The following CSMD1 variants were observed in gnomAD, a reference collection of about 807,000 sequenced individuals.
CSMD1 encodes CUB and sushi domain-containing protein 1.
CSMD1 carries 213 observed loss-of-function variants against 417.5 expected under a neutral mutation model. The observed-to-expected ratio is 0.51, with a 90% CI of 0.46 to 0.57. The LOEUF (loss-of-function observed/expected upper bound fraction) is 0.57. Among genes scored for constraint, CSMD1 ranks in the 20% least tolerant of loss-of-function variants. CSMD1 has a pLI of 0.00. For missense variants in CSMD1, 6,923 were observed against 4,529.7 expected (o/e 1.53, Z -15.17); for synonymous variants, 2,862 against 1,736.8 (o/e 1.65, Z -16.11).
intron 3 of CSMD1, among the ~76,000 whole-genome samples, chr8:4,132,963 T>C (rs1803200561): frequency 6.6e-6 from 1 of 152,198 alleles, no homozygotes. Flanking sequence ...AGATGGAGTC[T>C]CGCTCTGTTA....
intron 1 of CSMD1, among the ~76,000 whole-genome samples, chr8:4,644,451 G>T (rs1012111819): frequency 6.6e-6 from 1 of 152,110 alleles, no homozygotes; most frequent in Admixed American, 6.5e-5. Context: ...TCTGTCACCA[G>T]GCTAGAGTGC....
chr8:3,060,572 G>C (rs1030629917), intron 49 of CSMD1, among the ~76,000 whole-genome samples: 1 of 152,144 alleles, frequency 6.6e-6, no homozygotes, highest in Non-Finnish European at 1.5e-5. Context: ...CATGATTGTT[G>C]TAAGTTGGTT....
intron 5 of CSMD1, among the ~76,000 whole-genome samples, chr8:3,892,624 C>T (rs181811731): frequency 1.9e-4 from 29 of 151,834 alleles, no homozygotes; most frequent in East Asian, 9.7e-4. Flanking sequence ...CTCTGGTGCA[C>T]GTCAGTACTG....
chr8:3,521,172 G>C (rs559390571), intron 10 of CSMD1, among the ~76,000 whole-genome samples: 1 of 152,206 alleles, frequency 6.6e-6, no homozygotes, highest in Non-Finnish European at 1.5e-5. Context: ...TATTAAAACA[G>C]GTTAACTCTA....
chr8:3,386,996 G>C (rs1212521552), intron 18 of CSMD1, among the ~76,000 whole-genome samples: 15 of 152,148 alleles, frequency 9.9e-5, no homozygotes, highest in Admixed American at 8.5e-4. Flanking sequence ...AACAGGAGTG[G>C]CTGTTATCAC....
chr8:3,723,920 C>A (rs1378708862), intron 6 of CSMD1, among the ~76,000 whole-genome samples: 1 of 152,094 alleles, frequency 6.6e-6, no homozygotes, highest in Admixed American at 6.6e-5. Context: ...GATGCAGATT[C>A]CATTTTGTAG....
At chr8:4,884,525 G>A (rs906327576) in intron 1 of CSMD1, among the ~76,000 whole-genome samples, 4 of 151,898 alleles carry the variant, frequency 2.6e-5, no homozygotes, top group Admixed American at 2.0e-4. Context: ...CTTTCATTTA[G>A]GTCCTTTTTG....
intron 2 of CSMD1, among the ~76,000 whole-genome samples, chr8:4,513,117 G>A (rs948829570): frequency 5.9e-5 from 9 of 152,174 alleles, no homozygotes; most frequent in African/African-American, 1.4e-4. Context: ...ATTGACAACA[G>A]CAAGAGTGCG....
At chr8:3,758,897 G>A (rs939611182) in intron 5 of CSMD1, among the ~76,000 whole-genome samples, 1 of 152,178 alleles carries the variant, frequency 6.6e-6, no homozygotes, top group African/African-American at 2.4e-5. Context: ...GTGGAAGACA[G>A]AGGCAGGAGG....
At chr8:4,019,527 G>C (rs925300586) in intron 4 of CSMD1, among the ~76,000 whole-genome samples, 23 of 152,296 alleles carry the variant, frequency 1.5e-4, no homozygotes, top group Non-Finnish European at 3.1e-4. Flanking sequence ...GGTTACCCAA[G>C]AGACATTCCC....
intron 3 of CSMD1, among the ~76,000 whole-genome samples, chr8:4,058,145 A>T (rs1433448034): frequency 6.6e-6 from 1 of 152,044 alleles, no homozygotes; most frequent in Non-Finnish European, 1.5e-5. Flanking sequence ...TTTTCACGAT[A>T]TTGACTCTTC....
At chr8:4,185,031 T>C (rs1325219551) in intron 3 of CSMD1, among the ~76,000 whole-genome samples, 1 of 147,892 alleles carries the variant, frequency 6.8e-6, no homozygotes, top group Non-Finnish European at 1.5e-5. Context: ...CCCAGCTACT[T>C]GGGAGGCTGA....
At chr8:4,278,348 A>C (rs890083383) in intron 3 of CSMD1, among the ~76,000 whole-genome samples, 1 of 152,218 alleles carries the variant, frequency 6.6e-6, no homozygotes, top group African/African-American at 2.4e-5. Flanking sequence ...ATGTGACTTA[A>C]AATTCATAAG....
intron 5 of CSMD1, among the ~76,000 whole-genome samples, chr8:3,877,254 G>C (rs1475154499): frequency 6.6e-6 from 1 of 152,138 alleles, no homozygotes; most frequent in African/African-American, 2.4e-5. Context: ...ACAGTGAGCA[G>C]ATGTCCTGGT....
intron 1 of CSMD1, among the ~76,000 whole-genome samples, chr8:4,881,373 A>G (rs1803385193): frequency 6.6e-6 from 1 of 151,962 alleles, no homozygotes; most frequent in Non-Finnish European, 1.5e-5. Context: ...TTTGTGAGCA[A>G]TTAAATGGAT....
intron 2 of CSMD1, among the ~76,000 whole-genome samples, chr8:4,553,451 T>G (rs1188899328): frequency 6.6e-6 from 1 of 152,104 alleles, no homozygotes; most frequent in Non-Finnish European, 1.5e-5. Flanking sequence ...TTTTTTTTTT[T>G]TTTTTTTACA....
chr8:3,251,210 G>C (rs1396432527), intron 26 of CSMD1, among the ~76,000 whole-genome samples: 1 of 149,466 alleles, frequency 6.7e-6, no homozygotes, highest in South Asian at 2.1e-4. Flanking sequence ...TAACATTTAA[G>C]TCTTTAACCC....
intron 3 of CSMD1, among the ~76,000 whole-genome samples, chr8:4,345,979 T>C (rs1218132977): frequency 6.6e-6 from 1 of 152,284 alleles, no homozygotes; most frequent in Non-Finnish European, 1.5e-5. Context: ...TAGATATCAT[T>C]TGGAATTTCA....
intron 2 of CSMD1, among the ~76,000 whole-genome samples, chr8:4,612,402 T>A (rs775363263): frequency 3.9e-5 from 6 of 152,146 alleles, no homozygotes; most frequent in Non-Finnish European, 8.8e-5. Context: ...ACACTGGAAT[T>A]CCAAATGATT....
Sources: gnomAD v4.1 joint callset for allele counts (sites outside exome capture counted in the v4.1 genomes callset) on GRCh38, gnomAD v4.1.1 for gene constraint, MANE v1.5 for transcripts, NCBI Gene and HGNC (gene_info 2026-07-23, HGNC 2026-07-21) for gene names.